The following PRAMEF19 variants were observed in gnomAD, a reference collection of about 807,000 sequenced individuals.
The protein encoded by PRAMEF19 is PRAME family member 19.
Under a neutral mutation model 33.1 loss-of-function variants are expected in PRAMEF19, and 21 were observed. That is an observed-to-expected ratio of 0.63 (90% CI 0.45 to 0.91). PRAMEF19 has a LOEUF of 0.91. PRAMEF19 is among the 40% of genes least tolerant of loss of function. The pLI is 0.00. For synonymous variants in PRAMEF19, 179 were observed against 229.3 expected, an observed-to-expected ratio of 0.78 and a Z score of 1.98; for missense variants, 481 against 585.2, an observed-to-expected ratio of 0.82 and a Z score of 1.84.
chr1:13,369,872 T>A (rs767911388), intron 2 of PRAMEF19, among the ~76,000 whole-genome samples: 36 of 151,230 alleles, frequency 2.4e-4, no homozygotes, highest in Non-Finnish European at 4.0e-4. Context: ...GGCCATAAAA[T>A]CTCTAAAGCC....
At chr1:13,369,138 A>G (rs1640635757) in exon 3 of PRAMEF19, 2 of 1,612,022 alleles carry the variant, frequency 1.2e-6, no homozygotes, top group African/African-American at 1.3e-5. Context: ...CAGCAAGGGC[A>G]GGAGACGGGA....
chr1:13,370,798 G>T (rs1208388830), exon 2 of PRAMEF19: 41 of 1,613,946 alleles, frequency 2.5e-5, no homozygotes, highest in South Asian at 2.2e-4. Context: ...AGCCATCGGA[G>T]ATGAAGAGTT....
chr1:13,369,693 G>A lies in PRAMEF19; in HGVS notation c.867-53C>T, dbSNP rs1640648488. 4 of 1,609,806 alleles carry A rather than the reference G, an allele frequency of 2.5e-6. No individual in the cohort carries two copies. The East Asian group carries it at 6.7e-5, about 27-fold the overall frequency. On this transcript the variant is annotated intron_variant, in intron 2 of 2. Coordinates refer to ENST00000376101, the Ensembl canonical transcript of PRAMEF19. ...GCAATGGCACCAGTTAGAGGACGGT[G>A]GTAGAAAATAACGTCAAGGGAAGAG...
At chr1:13,370,260 C>G (rs1332344167) in intron 2 of PRAMEF19, among the ~76,000 whole-genome samples, 1 of 152,288 alleles carries the variant, frequency 6.6e-6, no homozygotes, top group African/African-American at 2.4e-5. Flanking sequence ...CCTCTGTTGC[C>G]TCTTTTTTAT....
upstream of PRAMEF19, chr1:13,371,906 T>A: frequency 6.2e-7 from 1 of 1,611,942 alleles, no homozygotes; most frequent in Non-Finnish European, 8.5e-7. Context: ...CTCATCCTGA[T>A]AAATCTGCAA....
At chr1:13,370,544 T>C (rs2100383005) in intron 2 of PRAMEF19, 105 bp downstream of exon 2, 2 of 1,457,416 alleles carry the variant, frequency 1.4e-6, no homozygotes, top group East Asian at 2.3e-5. Context: ...TCCCCTTCCC[T>C]GGACATCTCC....
downstream of PRAMEF19, chr1:13,369,005 T>G: frequency 6.3e-7 from 1 of 1,595,734 alleles, no homozygotes; most frequent in African/African-American, 1.3e-5. Context: ...ATAAAAGATA[T>G]CTATGTCCTA....
downstream of PRAMEF19, chr1:13,368,944 C>T (rs1300529368): frequency 2.8e-4 from 396 of 1,422,254 alleles, no homozygotes; most frequent in Non-Finnish European, 3.4e-4. Flanking sequence ...GAAACCCTGT[C>T]TCAAATTTTT....
intron 2 of PRAMEF19, among the ~76,000 whole-genome samples, chr1:13,369,975 G>C (rs1229873875): frequency 1.3e-5 from 2 of 151,920 alleles, no homozygotes; most frequent in Non-Finnish European, 2.9e-5. Flanking sequence ...GCAAGGTCTA[G>C]GGACATCAGC....
chr1:13,370,832 A>G, exon 2 of PRAMEF19: 2 of 1,613,994 alleles, frequency 1.2e-6, no homozygotes, highest in Non-Finnish European at 1.7e-6. Flanking sequence ...CATCTGGCTC[A>G]GGTAACGGCT....
At chr1:13,370,440 G>T (rs2884674) in intron 2 of PRAMEF19, among the ~76,000 whole-genome samples, 6,981 of 141,350 alleles carry the variant, frequency 0.049, 312 homozygotes, top group East Asian at 0.26. Flanking sequence ...TCTCTGTAGC[G>T]TCTATGCCAG....
chr1:13,370,134 C>A (rs1475177769), intron 2 of PRAMEF19, among the ~76,000 whole-genome samples: 1 of 152,260 alleles, frequency 6.6e-6, no homozygotes, highest in African/African-American at 2.4e-5. Context: ...TTCAAAACAA[C>A]CTTTTACAGA....
At chr1:13,369,145 G>C (rs548583032) in exon 3 of PRAMEF19, 23 of 1,611,700 alleles carry the variant, frequency 1.4e-5, no homozygotes, top group Admixed American at 8.3e-5. Context: ...GGCAGGAGAC[G>C]GGACCAAAGA....
exon 1 of PRAMEF19, chr1:13,371,689 T>C: frequency 6.2e-7 from 1 of 1,610,234 alleles, no homozygotes; most frequent in Non-Finnish European, 8.5e-7. Flanking sequence ...ATCAGGCGTC[T>C]TCATCAGGGA....
exon 2 of PRAMEF19, chr1:13,370,900 G>A: frequency 1.2e-6 from 2 of 1,613,938 alleles, no homozygotes; most frequent in Admixed American, 3.3e-5. Context: ...CTTGGATACT[G>A]TCTGGGTATA....
At chr1:13,370,861 C>T (rs1318111197) in exon 2 of PRAMEF19, 14 of 1,613,994 alleles carry the variant, frequency 8.7e-6, no homozygotes, top group South Asian at 4.4e-5. Context: ...CTACCATACA[C>T]GGCCAGCACA....
exon 3 of PRAMEF19, chr1:13,369,272 T>C: frequency 6.2e-7 from 1 of 1,612,018 alleles, no homozygotes; most frequent in Non-Finnish European, 8.5e-7. Flanking sequence ...AGGGGCAGGA[T>C]ATGTTTCCAG....
Position 13,369,353 on chromosome 1 carries a change from TGAAA to T in PRAMEF19, c.1150_1153del (p.Phe384ThrfsTer10). 1.9e-6 allele frequency: 3 copies of T among 1,612,082 alleles called. No individual in the cohort carries two copies. The highest frequency in any genetic ancestry group is 2.5e-6 in the Non-Finnish European group (3 of 1,179,860). On this transcript the variant is annotated frameshift_variant, in exon 3 of 3. Transcript: ENST00000376101. LOFTEE classifies it low-confidence loss of function (END_TRUNC). ...ACCATCCATGGACGTGTCATTGCCG[TGAAA>T]GCAGAAAGTGGTGAGGTTGGAGCAG...
downstream of PRAMEF19, among the ~76,000 whole-genome samples, chr1:13,368,831 A>G (rs1211666994): frequency 2.6e-5 from 4 of 152,230 alleles, no homozygotes; most frequent in Non-Finnish European, 5.9e-5. Flanking sequence ...ATACACCTAT[A>G]GACCCGGCAC....
Sources: allele counts gnomAD v4.1 joint callset (sites outside exome capture counted in the v4.1 genomes callset), GRCh38; gene constraint gnomAD v4.1.1; transcripts MANE v1.5; gene names NCBI Gene and HGNC (gene_info 2026-07-23, HGNC 2026-07-21).